Variants in NCOA7 observed in about 807,000 individuals in gnomAD.
The protein encoded by NCOA7 is nuclear receptor coactivator 7, also known as 140 kDa estrogen receptor-associated protein.
NCOA7 carries 45 observed loss-of-function variants against 104.3 expected under a neutral mutation model. The observed-to-expected ratio is 0.43, with a 90% CI of 0.34 to 0.55. The LOEUF is 0.55. Ranked by LOEUF, NCOA7 falls within the 20% of genes least tolerant of loss-of-function variation. The probability of loss-of-function intolerance (pLI) is 0.02; values close to 1 mark genes in which losing one functional copy is unlikely to be tolerated. For missense variants in NCOA7, 1,041 were observed against 1,119.7 expected, an observed-to-expected ratio of 0.93 and a Z score of 1.00; for synonymous variants, 398 against 402.3, an observed-to-expected ratio of 0.99 and a Z score of 0.13.
intron 2 of NCOA7, among the ~76,000 whole-genome samples, chr6:125,827,065 C>T (rs896237717): frequency 4.6e-5 from 7 of 151,772 alleles, no homozygotes; most frequent in Admixed American, 2.6e-4. Context: ...GGCGTAGTGG[C>T]GCACACCTGT....
intron 10 of NCOA7, among the ~76,000 whole-genome samples, chr6:125,905,353 T>C (rs1583510081): frequency 6.9e-6 from 1 of 144,532 alleles, no homozygotes; most frequent in Admixed American, 7.2e-5. Context: ...GCCTCCGGGG[T>C]TCAAGTGATT....
Position 125,878,503 on chromosome 6 carries a change from C to G in NCOA7, c.459+133C>G, listed in dbSNP as rs967631568. 35 of 594,356 alleles carry G rather than the reference C, an allele frequency of 5.9e-5. No homozygotes were observed. In the African/African-American group the frequency reaches 6.2e-4, roughly 11 times the overall value. The allele number at this position is 594,356 out of a possible 1,614,324, so 36.8% of individuals were successfully genotyped here. A position where few individuals can be genotyped will look rare whatever the true frequency, so the allele number is the denominator to read the frequency against. Reference sequence around the variant, plus strand: ...GTGCTTTGGTTCAATATTTTCTCTCCTTTATTTTTATTTATTTATTTTTTG... The same window carrying G: ...GTGCTTTGGTTCAATATTTTCTCTCGTTTATTTTTATTTATTTATTTTTTG... On this transcript the variant is annotated intron_variant, in intron 5 of 15. Transcript: ENST00000392477.
At chr6:125,891,896 G>C (rs1562149427) in intron 10 of NCOA7, among the ~76,000 whole-genome samples, 1 of 152,100 alleles carries the variant, frequency 6.6e-6, no homozygotes. Flanking sequence ...TGTGCCTGCA[G>C]CCCCCACAGC....
chr6:125,892,437 G>A (rs765929867), intron 10 of NCOA7, among the ~76,000 whole-genome samples: 6 of 152,072 alleles, frequency 3.9e-5, no homozygotes, highest in Non-Finnish European at 7.4e-5. Context: ...TTGGGAGGCC[G>A]AGGCGGGTGA....
intron 1 of NCOA7, among the ~76,000 whole-genome samples, chr6:125,812,572 T>G (rs1443904205): frequency 6.6e-6 from 1 of 152,182 alleles, no homozygotes; most frequent in African/African-American, 2.4e-5. Context: ...ATATTGTTTT[T>G]TCTCCTTTTC....
At position 125,804,184 on chromosome 6, in the gene NCOA7, C is replaced by T. The variant is rs543133965; in HGVS notation, c.-64-11107C>T. The stretch of plus-strand genomic sequence containing the variant: ...AGAATATGTCTGCAAAAAAATCAAA[C>T]GGGCCAGAGAGTCTATGGTTTTAGG... On this transcript the variant is annotated intron_variant, in intron 1 of 15. Transcript: ENST00000392477. Among the ~76,000 whole-genome samples, 6 of 152,256 alleles carry T rather than the reference C, an allele frequency of 3.9e-5. No individual in the cohort carries two copies. The South Asian group carries it at 8.3e-4, about 21-fold the overall frequency.
intron 2 of NCOA7, among the ~76,000 whole-genome samples, chr6:125,829,477 G>T (rs532223030): frequency 3.3e-5 from 5 of 152,322 alleles, no homozygotes; most frequent in African/African-American, 1.2e-4. Context: ...TCTTAATGCT[G>T]TAAGCAGTGA....
chr6:125,871,455 A>C (rs146395671), intron 3 of NCOA7, among the ~76,000 whole-genome samples: 140 of 152,272 alleles, frequency 9.2e-4, no homozygotes, highest in African/African-American at 2.9e-3. Flanking sequence ...CATCTTTTCA[A>C]CTCACTGCAA....
intron 2 of NCOA7, among the ~76,000 whole-genome samples, chr6:125,821,504 G>C (rs1319902899): frequency 2.0e-5 from 3 of 152,144 alleles, no homozygotes; most frequent in Admixed American, 1.3e-4. Flanking sequence ...AGATTTCTGT[G>C]GGCAGTCTTG....
chr6:125,861,795 G>C (rs190516537), intron 3 of NCOA7, among the ~76,000 whole-genome samples: 16 of 152,038 alleles, frequency 1.1e-4, no homozygotes, highest in Admixed American at 2.0e-4. Context: ...CCAGCACTTT[G>C]GGAGGCGGAG....
intron 2 of NCOA7, among the ~76,000 whole-genome samples, chr6:125,840,868 G>GGTTTTTTTTTTTTTTTTTTTT (rs1780075330): frequency 2.5e-5 from 1 of 40,340 alleles, no homozygotes; most frequent in African/African-American, 1.0e-4. Flanking sequence ...TGTTTGGTTG[G>GGTTTTTTTTTTTTTTTTTTTT]TTTTTTTTTT....
rs1303471710 is a variant in NCOA7, at chr6:125,839,883, GATA to G, written c.51-15134_51-15132del. 3.9e-5 allele frequency among the ~76,000 whole-genome samples: 6 copies of G among 151,924 alleles called. No homozygotes were observed. The East Asian group carries it at 9.6e-4, about 24-fold the overall frequency. ...CAATTATTTACGGTACATAATACTT[GATA>G]ATGATGATAAATGACTGTGTTACTG... On this transcript the variant is annotated intron_variant, in intron 2 of 15. Coordinates refer to ENST00000392477, the MANE Select transcript of NCOA7 (RefSeq NM_181782.5).
At chr6:125,792,729 G>A (rs936760438) in intron 1 of NCOA7, among the ~76,000 whole-genome samples, 10 of 151,944 alleles carry the variant, frequency 6.6e-5, no homozygotes, top group Non-Finnish European at 1.3e-4. Flanking sequence ...TGTGAAATGA[G>A]GGTTTGCAAG....
chr6:125,919,483 G>T, intron 11 of NCOA7: 1 of 1,541,144 alleles, frequency 6.5e-7, no homozygotes, highest in Non-Finnish European at 9.0e-7. Flanking sequence ...AATTCTCAGT[G>T]ATGTACCTCC....
intron 2 of NCOA7, among the ~76,000 whole-genome samples, chr6:125,827,741 G>A (rs1778784473): frequency 6.6e-6 from 1 of 152,212 alleles, no homozygotes; most frequent in African/African-American, 2.4e-5. Flanking sequence ...AGTCCTTAAA[G>A]TGACAAAAAG....
chr6:125,922,782 C>T lies in NCOA7; in HGVS notation c.2471C>T (p.Ser824Leu), dbSNP rs764904015. The T allele has an allele frequency of 5.0e-6, 8 of 1,614,134 alleles. No individual in the cohort carries two copies. Among genetic ancestry groups the T allele is most frequent in the South Asian group, 2.2e-5 (2 of 91,078 alleles). The change falls in exon 13 of 16, where the codon TCG becomes TTG. Residue 824 changes from serine to leucine, a missense_variant. This residue lies in a region of NCOA7 where 127 missense variants were observed against 177.0 expected (regional missense o/e 0.72). Transcript: ENST00000392477. ...AGCTTAAAGACGCTCTACCGGAAAT[C>T]GGCATCACTAGACAGTCCTGTCCTA... Reference protein sequence around the residue: ...GTSLKTLYRKSASLDSPVLLV... With the variant: ...GTSLKTLYRKLASLDSPVLLV...
rs539846034 is a variant in NCOA7, at chr6:125,875,257, T to C, written c.351+289T>C. ...ATCTGGCTGACTAGGCAGGTATCCC[T>C]TTCTTCCCCCACCACTCCATGTGCA... On this transcript the variant is annotated intron_variant, in intron 4 of 15. Coordinates refer to ENST00000392477, the MANE Select transcript of NCOA7 (RefSeq NM_181782.5). 10 of 289,902 alleles carry C rather than the reference T, an allele frequency of 3.4e-5. No homozygotes were observed. In the South Asian group the frequency reaches 7.1e-4, roughly 21 times the overall value. The allele number at this position is 289,902 out of a possible 1,614,324, so 18.0% of individuals were successfully genotyped here. A position where few individuals can be genotyped will look rare whatever the true frequency, so the allele number is the denominator to read the frequency against.
At chr6:125,927,820 G>C in intron 14 of NCOA7, 62 bp downstream of exon 14, 1 of 1,337,864 alleles carries the variant, frequency 7.5e-7, no homozygotes, top group South Asian at 1.2e-5. Context: ...TGGGGAAGGG[G>C]ATAGGCATTG....
At chr6:125,910,263 A>ATATTAGGGACTGCATGCCTTTTTC (rs1336254851) in intron 10 of NCOA7, among the ~76,000 whole-genome samples, 36 of 152,206 alleles carry the variant, frequency 2.4e-4, no homozygotes, top group African/African-American at 8.7e-4. Flanking sequence ...TAGTTCTCAG[A>ATATTAGGGACTGCATGCCTTTTTC]TATTAGGGAC....
Sources: allele counts gnomAD v4.1 joint callset (sites outside exome capture counted in the v4.1 genomes callset), GRCh38; gene constraint gnomAD v4.1.1; regional missense constraint gnomAD v4.1.1; transcripts MANE v1.5; gene names NCBI Gene and HGNC (gene_info 2026-07-23, HGNC 2026-07-21).